CDH13: variants seen among roughly 807,000 people sequenced by gnomAD.
CDH13 encodes cadherin 13.
A neutral mutation model predicts 63.8 loss-of-function variants in CDH13; 24 were observed. That is an observed-to-expected ratio of 0.38 (90% CI 0.27 to 0.53). The LOEUF (loss-of-function observed/expected upper bound fraction) is 0.53. CDH13 is among the 20% of genes least tolerant of loss of function. The probability of loss-of-function intolerance (pLI) is 0.85; values close to 1 mark genes in which losing one functional copy is unlikely to be tolerated. For synonymous variants in CDH13, 503 were observed against 355.3 expected (o/e 1.42, Z -4.67); for missense variants, 1,049 against 903.1 (o/e 1.16, Z -2.07).
At chr16:82,653,620 A>C (rs953167575) in intron 1 of CDH13, among the ~76,000 whole-genome samples, 1 of 152,138 alleles carries the variant, frequency 6.6e-6, no homozygotes, top group African/African-American at 2.4e-5. Context: ...GCCAAGGTGC[A>C]GGGCTGCAGG....
At chr16:83,182,821 G>A (rs957166490) in intron 4 of CDH13, among the ~76,000 whole-genome samples, 7 of 152,236 alleles carry the variant, frequency 4.6e-5, no homozygotes, top group South Asian at 2.1e-4. Context: ...GATTTCCCAC[G>A]TCATGAGGAA....
At chr16:83,285,521 A>C (rs1226960687) in intron 5 of CDH13, among the ~76,000 whole-genome samples, 2 of 152,118 alleles carry the variant, frequency 1.3e-5, no homozygotes, top group Non-Finnish European at 2.9e-5. Context: ...AAAAAAAAAC[A>C]GTAAAAATAA....
Position 82,635,536 on chromosome 16 carries a change from C to A in CDH13, c.45+8399C>A, listed in dbSNP as rs536744710. On this transcript the variant is annotated intron_variant, in intron 1 of 13. Coordinates refer to ENST00000567109, the MANE Select transcript of CDH13 (RefSeq NM_001257.5). ...GTGTTTTTCTCAGAGCAAGTGGCAG[C>A]CATTGAGGGTACTGAGGGAAAGGTA... Among the ~76,000 whole-genome samples the A allele has an allele frequency of 2.1e-4, 32 of 152,188 alleles. No homozygotes were observed. In the South Asian group the frequency reaches 6.2e-3, roughly 30 times the overall value.
chr16:83,089,430 G>A (rs2033784536), intron 3 of CDH13, among the ~76,000 whole-genome samples: 1 of 152,226 alleles, frequency 6.6e-6, no homozygotes. Flanking sequence ...AAAACTTGCT[G>A]CCATCAGAGA....
At chr16:82,924,503 C>G (rs902061780) in intron 2 of CDH13, among the ~76,000 whole-genome samples, 2 of 152,130 alleles carry the variant, frequency 1.3e-5, no homozygotes, top group African/African-American at 2.4e-5. Context: ...GCATTTGTGG[C>G]TTTTATTTCT....
Position 82,890,246 on chromosome 16 carries a change from C to T in CDH13, c.157+31773C>T, listed in dbSNP as rs528748499. On this transcript the variant is annotated intron_variant, in intron 2 of 13. Coordinates refer to ENST00000567109, the MANE Select transcript of CDH13 (RefSeq NM_001257.5). Reference sequence around the variant, plus strand: ...CTGAGAGCCTGTCCCAAAAGAAATGCTCCAGGCAGGAGATCTTCAACAATA... The same window carrying T: ...CTGAGAGCCTGTCCCAAAAGAAATGTTCCAGGCAGGAGATCTTCAACAATA... Among the ~76,000 whole-genome samples the T allele has an allele frequency of 4.6e-5, 7 of 152,268 alleles. No homozygotes were observed. In the East Asian group the frequency reaches 1.4e-3, roughly 29 times the overall value.
intron 8 of CDH13, among the ~76,000 whole-genome samples, chr16:83,628,973 G>A (rs955510479): frequency 1.3e-5 from 2 of 152,194 alleles, no homozygotes; most frequent in Non-Finnish European, 2.9e-5. Flanking sequence ...AGGAGCATAA[G>A]TAATAAGGAA....
intron 5 of CDH13, among the ~76,000 whole-genome samples, chr16:83,257,875 A>C (rs1480122800): frequency 6.6e-6 from 1 of 152,204 alleles, no homozygotes; most frequent in African/African-American, 2.4e-5. Context: ...ACTCATTTAC[A>C]CTTCCACCAA....
chr16:83,484,602 A>G (rs1243336959), intron 6 of CDH13, among the ~76,000 whole-genome samples: 1 of 152,254 alleles, frequency 6.6e-6, no homozygotes, highest in African/African-American at 2.4e-5. Flanking sequence ...GTAAAAATAA[A>G]CAAAATGTTA....
chr16:83,676,672 C>T (rs751623457), intron 9 of CDH13, among the ~76,000 whole-genome samples: 6 of 152,324 alleles, frequency 3.9e-5, no homozygotes, highest in Admixed American at 6.5e-5. Context: ...CTCTTAAAAT[C>T]CTATTACTGA....
intron 5 of CDH13, among the ~76,000 whole-genome samples, chr16:83,240,147 T>C (rs1904310889): frequency 6.6e-6 from 1 of 152,140 alleles, no homozygotes; most frequent in Admixed American, 6.5e-5. Flanking sequence ...TTTTAGCTGC[T>C]CTGCCTTTGT....
intron 9 of CDH13, among the ~76,000 whole-genome samples, chr16:83,672,621 C>T (rs1914610368): frequency 6.6e-6 from 1 of 151,796 alleles, no homozygotes; most frequent in Admixed American, 6.6e-5. Flanking sequence ...GACGGGGTCT[C>T]ACCAGGTTGG....
intron 4 of CDH13, chr16:83,180,874 C>G (rs1414617487): frequency 1.3e-6 from 2 of 1,521,908 alleles, no homozygotes; most frequent in East Asian, 4.9e-5. Context: ...TTACAGAGAA[C>G]CCACAATCCT....
At chr16:82,684,707 G>A (rs1304050736) in intron 1 of CDH13, among the ~76,000 whole-genome samples, 1 of 151,988 alleles carries the variant, frequency 6.6e-6, no homozygotes, top group East Asian at 1.9e-4. Context: ...TTTTCCAAAT[G>A]ATTGAGTGCT....
intron 2 of CDH13, among the ~76,000 whole-genome samples, chr16:82,970,204 T>G (rs1276934898): frequency 6.6e-6 from 1 of 152,076 alleles, no homozygotes; most frequent in African/African-American, 2.4e-5. Flanking sequence ...TTGTGTTAGT[T>G]TGCTGAGAAT....
chr16:83,100,949 A>C (rs754848590), intron 3 of CDH13, among the ~76,000 whole-genome samples: 1 of 152,210 alleles, frequency 6.6e-6, no homozygotes, highest in African/African-American at 2.4e-5. Flanking sequence ...ATAGATACTC[A>C]GTGAATCATG....
intron 3 of CDH13, among the ~76,000 whole-genome samples, chr16:83,085,433 C>G (rs1181389566): frequency 6.6e-6 from 1 of 152,130 alleles, no homozygotes; most frequent in African/African-American, 2.4e-5. Context: ...TCATGGTGTG[C>G]AAGATGGCTG....
chr16:82,981,207 C>T (rs911032656), intron 2 of CDH13, among the ~76,000 whole-genome samples: 4 of 152,130 alleles, frequency 2.6e-5, no homozygotes, highest in Non-Finnish European at 4.4e-5. Context: ...TTCCACTTTC[C>T]GTTTCACCAG....
rs149484462 is a variant in CDH13 at position 82,908,646 on chromosome 16, A to C, written c.157+50173A>C. Reference sequence around the variant, plus strand: ...AGAGGCAACCAACATTATTAGTTTAATGAATCACTTTCCAGACCTTTCTCT... The same window carrying C: ...AGAGGCAACCAACATTATTAGTTTACTGAATCACTTTCCAGACCTTTCTCT... On this transcript the variant is annotated intron_variant, in intron 2 of 13. Transcript: ENST00000567109. 3.6e-3 allele frequency among the ~76,000 whole-genome samples: 542 copies of C among 152,332 alleles called. 4 individuals are homozygous for C. The highest frequency in any genetic ancestry group is 0.013 in the African/African-American group (525 of 41,564).
Sources: gnomAD v4.1 joint callset for allele counts (sites outside exome capture counted in the v4.1 genomes callset) on GRCh38, gnomAD v4.1.1 for gene constraint, MANE v1.5 for transcripts, NCBI Gene and HGNC (gene_info 2026-07-23, HGNC 2026-07-21) for gene names.